The following CEP250 variants were observed in gnomAD, a reference collection of about 807,000 sequenced individuals.
The protein encoded by CEP250 is centrosome-associated protein CEP250.
In CEP250, 242 loss-of-function variants were observed where a neutral mutation model predicts 315.7. That is an observed-to-expected ratio of 0.77 (90% confidence interval 0.69 to 0.85). The LOEUF (loss-of-function observed/expected upper bound fraction) is 0.85, where lower values mean the gene tolerates loss of function less well. Ranked by LOEUF, CEP250 falls within the 40% of genes least tolerant of loss-of-function variation. The probability of loss-of-function intolerance (pLI) is 0.00; values close to 1 mark genes in which losing one functional copy is unlikely to be tolerated. For missense variants in CEP250, 2,515 were observed against 2,886.4 expected, an observed-to-expected ratio of 0.87 and a Z score of 2.95; for synonymous variants, 1,088 against 1,175.0, an observed-to-expected ratio of 0.93 and a Z score of 1.51.
intron 16 of CEP250, among the ~76,000 whole-genome samples, chr20:35,477,457 A>C (rs142653992): frequency 6.4e-4 from 97 of 152,354 alleles, no homozygotes; most frequent in African/African-American, 2.1e-3. Context: ...ACCCGGCCTA[A>C]GTCTAGGTTG....
At chr20:35,466,013 C>T (rs1187321782) in intron 6 of CEP250, 26 bp from the exon 7 acceptor site, 3 of 1,613,010 alleles carry the variant, frequency 1.9e-6, no homozygotes, top group Non-Finnish European at 8.5e-7. Context: ...TTATTTTGCA[C>T]CCACTTTTAC....
chr20:35,499,979 A>C, intron 27 of CEP250, 70 bp from the exon 28 acceptor site: 3 of 1,590,434 alleles, frequency 1.9e-6, no homozygotes, highest in Non-Finnish European at 2.6e-6. Flanking sequence ...GAATGAGGAG[A>C]GAGCTTGAGC....
intron 20 of CEP250, among the ~76,000 whole-genome samples, chr20:35,488,446 T>G (rs1248867703): frequency 6.6e-6 from 1 of 152,140 alleles, no homozygotes; most frequent in African/African-American, 2.4e-5. Flanking sequence ...CCTCTTTTTT[T>G]TCTTTTTATT....
chr20:35,494,446 C>T, intron 23 of CEP250, 78 bp from the exon 24 acceptor site: 1 of 1,582,704 alleles, frequency 6.3e-7, no homozygotes, highest in Non-Finnish European at 8.6e-7. Context: ...TCGAAGGACC[C>T]TGAAGCCCTA....
chr20:35,475,871 T>C (rs1200475765), intron 15 of CEP250, among the ~76,000 whole-genome samples: 1 of 152,228 alleles, frequency 6.6e-6, no homozygotes, highest in Non-Finnish European at 1.5e-5. Flanking sequence ...TCAACGGCTT[T>C]CTAGCTCTGT....
intron 20 of CEP250, among the ~76,000 whole-genome samples, chr20:35,482,424 A>T (rs1158952159): frequency 6.9e-6 from 1 of 144,596 alleles, no homozygotes; most frequent in East Asian, 2.0e-4. Context: ...TAAATACAAA[A>T]ATTTTTTGTA....
rs1474316729 is a variant in CEP250, at chr20:35,463,600, A to G, written c.212A>G (p.Gln71Arg). 1.2e-6 allele frequency: 2 copies of G among 1,609,870 alleles called. No individual in the cohort carries two copies. Among genetic ancestry groups the G allele is most frequent in the Non-Finnish European group, 1.7e-6 (2 of 1,177,928 alleles). Residue 71 changes from glutamine to arginine, a missense_variant, in exon 5 of 35, where the codon CAA becomes CGA. Transcript: ENST00000397527. The stretch of plus-strand genomic sequence containing the variant: ...GTGCTGCAGTACCGAAGCTGGTGCC[A>G]AGAGCTGGAGAAGCGGCTAGAAGCC... Reference protein sequence around the residue: ...AKVLQYRSWCQELEKRLEATG... With the variant: ...AKVLQYRSWCRELEKRLEATG...
rs926900483 is a variant in CEP250 at position 35,482,313 on chromosome 20, G to A, written c.2586+2168G>A. ...GTGGCGCAATCTTGGCTCACTGCAA[G>A]GTCCGCCTCTGGGTTCACGCCATTC... On this transcript the variant is annotated intron_variant, in intron 20 of 34. Coordinates refer to ENST00000397527, the MANE Select transcript of CEP250 (RefSeq NM_007186.6). Among the ~76,000 whole-genome samples, 35 of 151,296 alleles carry A rather than the reference G, an allele frequency of 2.3e-4. 1 individual carries two copies. The highest frequency in any genetic ancestry group is 8.2e-4 in the African/African-American group (34 of 41,246).
At chr20:35,465,702 T>G in intron 5 of CEP250, 41 bp from the exon 6 acceptor site, 11 of 1,465,232 alleles carry the variant, frequency 7.5e-6, no homozygotes, top group Admixed American at 2.3e-5. Flanking sequence ...TGAGTGATGT[T>G]CTCTTTGGAG....
At position 35,496,623 on chromosome 20, in the gene CEP250, C is replaced by T; in HGVS notation, c.3214C>T (p.Gln1072Ter). ...MEKEQRLLVL[Q>*]EADSIRQQEL... The stretch of plus-strand genomic sequence containing the variant: ...AAAGGAACAGAGACTCCTTGTTTTA[C>T]AAGAAGCTGACTCTATTCGACAACA... The change falls in exon 25 of 35, where the codon CAA becomes TAA. Residue 1072 changes from glutamine (Q) to a stop codon, truncating the protein, a stop_gained. Transcript: ENST00000397527. LOFTEE classifies it high-confidence loss of function. The T allele has an allele frequency of 1.2e-6, 2 of 1,614,068 alleles. No individual in the cohort carries two copies. The highest frequency in any genetic ancestry group is 1.7e-6 in the Non-Finnish European group (2 of 1,179,996).
In CEP250 at chr20:35,479,419, G is replaced by T; in HGVS notation, c.2283G>T (p.Gly761=). 1 of 1,612,918 alleles carries T rather than the reference G, an allele frequency of 6.2e-7. No homozygotes were observed. Among genetic ancestry groups the T allele is most frequent in the Non-Finnish European group, 8.5e-7 (1 of 1,179,506 alleles). ...AGGACCTCGCTGAACAACTACAGGG[G>T]CTCAGGTAGGGCCCAGACTCAGTTC... ...DRQDLAEQLQ[G]LSSAKELLES... Residue 761 remains glycine (G), a synonymous_variant, in exon 18 of 35, where the codon GGG becomes GGT. Coordinates refer to ENST00000397527, the MANE Select transcript of CEP250 (RefSeq NM_007186.6).
In CEP250 at chr20:35,467,386, C is replaced by T; in HGVS notation, c.682C>T (p.Gln228Ter). Residue 228 changes from glutamine (Q) to a stop codon, truncating the protein, a stop_gained, in exon 9 of 35, where the codon CAG becomes TAG. Transcript: ENST00000397527. LOFTEE classifies it high-confidence loss of function. Reference sequence around the variant, plus strand: ...TTGTCTGCGCTTGACTGTGGGAGCACAGTCTCGGGAACCCAACGGATCTGG... The same window carrying T: ...TTGTCTGCGCTTGACTGTGGGAGCATAGTCTCGGGAACCCAACGGATCTGG... ...TCCLRLTVGA[Q>*]SREPNGSGRM... 9 of 1,614,210 alleles carry T rather than the reference C, an allele frequency of 5.6e-6. No individual in the cohort carries two copies. The highest frequency in any genetic ancestry group is 6.8e-6 in the Non-Finnish European group (8 of 1,180,040).
intron 20 of CEP250, among the ~76,000 whole-genome samples, chr20:35,484,146 C>T (rs1381686713): frequency 6.6e-6 from 1 of 151,692 alleles, no homozygotes; most frequent in Non-Finnish European, 1.5e-5. Context: ...TGATTCTTGT[C>T]TATGAGCATG....
At chr20:35,507,019 G>A (rs757641738) in intron 30 of CEP250, among the ~76,000 whole-genome samples, 4 of 152,152 alleles carry the variant, frequency 2.6e-5, no homozygotes, top group Admixed American at 1.3e-4. Context: ...CAAACACACA[G>A]GGTGAGACTC....
At chr20:35,479,469 A>C in intron 18 of CEP250, 45 bp downstream of exon 18, 1 of 1,579,310 alleles carries the variant, frequency 6.3e-7, no homozygotes, top group Non-Finnish European at 8.6e-7. Flanking sequence ...AGAGCTTTGC[A>C]AGGCAAAGGC....
chr20:35,489,577 T>A (rs6060438), intron 20 of CEP250, among the ~76,000 whole-genome samples: 10 of 152,102 alleles, frequency 6.6e-5, no homozygotes, highest in African/African-American at 2.4e-4. Flanking sequence ...TAGTGGTAGA[T>A]TAAAGATTCT....
Position 35,511,823 on chromosome 20 carries a change from G to A in CEP250, c.*197G>A. The A allele has an allele frequency of 7.1e-7, 1 of 1,406,920 alleles. No homozygotes were observed. The highest frequency in any genetic ancestry group is 9.2e-7 in the Non-Finnish European group (1 of 1,084,678). 87.2% of individuals were successfully genotyped at this position (1,406,920 alleles called of 1,614,324 possible). A position where few individuals can be genotyped will look rare whatever the true frequency, so the allele number is the denominator to read the frequency against. Reference sequence around the variant, plus strand: ...AACTCACCTGGGAATGAGGCAAATTGCATTTGCTTGCTCCCTATGGAATCA... The same window carrying A: ...AACTCACCTGGGAATGAGGCAAATTACATTTGCTTGCTCCCTATGGAATCA... On this transcript the variant is annotated 3_prime_UTR_variant, in exon 35 of 35. Transcript: ENST00000397527.
chr20:35,488,456 T>C (rs1488581069), intron 20 of CEP250, among the ~76,000 whole-genome samples: 1 of 152,100 alleles, frequency 6.6e-6, no homozygotes, highest in East Asian at 1.9e-4. Flanking sequence ...TTCTTTTTAT[T>C]ATTATTATTT....
chr20:35,473,424 A>G lies in CEP250; in HGVS notation c.1260A>G (p.Gln420=). ...AGCQEAVNLL[Q]QQHDQWEEEG... is the part of the protein sequence containing the mutation. ...GTCAAGAGGCTGTGAACTTGTTGCA[A>G]CAGCAGCATGATCAGTGGGAGGAAG... The change falls in exon 13 of 35, where the codon CAA becomes CAG. Residue 420 remains glutamine, a synonymous_variant. Coordinates refer to ENST00000397527, the MANE Select transcript of CEP250 (RefSeq NM_007186.6). 1.2e-6 allele frequency: 2 copies of G among 1,614,144 alleles called. No homozygotes were observed. Among genetic ancestry groups the G allele is most frequent in the Non-Finnish European group, 1.7e-6 (2 of 1,180,008 alleles).
Sources: allele counts gnomAD v4.1 joint callset (sites outside exome capture counted in the v4.1 genomes callset), GRCh38; gene constraint gnomAD v4.1.1; transcripts MANE v1.5; gene names NCBI Gene and HGNC (gene_info 2026-07-23, HGNC 2026-07-21).